Variants in ACSF2 observed in about 807,000 individuals in gnomAD.
ACSF2 encodes the protein acyl-CoA synthetase family member 2, also known as medium-chain acyl-CoA ligase ACSF2, mitochondrial.
A neutral mutation model predicts 79.3 loss-of-function variants in ACSF2; 52 were observed. That is an observed-to-expected ratio of 0.66 (90% CI 0.53 to 0.83). ACSF2 has a LOEUF of 0.83. Among genes scored for constraint, ACSF2 ranks in the 40% least tolerant of loss-of-function variants. The pLI is 0.00. For synonymous variants in ACSF2, 283 were observed against 312.6 expected (o/e 0.91, Z 1.00); for missense variants, 661 against 803.3 (o/e 0.82, Z 2.14).
At chr17:50,437,322 T>C (rs1039429810) in intron 1 of ACSF2, among the ~76,000 whole-genome samples, 1 of 152,214 alleles carries the variant, frequency 6.6e-6, no homozygotes, top group African/African-American at 2.4e-5. Context: ...CATGTGAATT[T>C]CATGGACAAG....
At chr17:50,434,562 T>C (rs2030226909) in intron 1 of ACSF2, among the ~76,000 whole-genome samples, 2 of 152,048 alleles carry the variant, frequency 1.3e-5, no homozygotes, top group African/African-American at 4.8e-5. Context: ...GGCATGCACC[T>C]GTAATCCCAG....
intron 10 of ACSF2, among the ~76,000 whole-genome samples, chr17:50,466,786 C>T (rs1342210435): frequency 2.6e-5 from 4 of 152,210 alleles, no homozygotes; most frequent in South Asian, 2.1e-4. Context: ...TTTGCCCAGG[C>T]GCCACAATTC....
chr17:50,451,647 A>G (rs906902016), intron 1 of ACSF2, among the ~76,000 whole-genome samples: 1 of 152,172 alleles, frequency 6.6e-6, no homozygotes, highest in African/African-American at 2.4e-5. Flanking sequence ...ACAAGGTTTC[A>G]TCATATTGGC....
chr17:50,466,337 C>T (rs1221634256), intron 10 of ACSF2, among the ~76,000 whole-genome samples: 1 of 152,182 alleles, frequency 6.6e-6, no homozygotes, highest in East Asian at 1.9e-4. Flanking sequence ...GATCTACCCG[C>T]CTCAGCCTCC....
intron 9 of ACSF2, 137 bp from the exon 10 acceptor site, chr17:50,464,081 G>A (rs2032524768): frequency 8.1e-7 from 1 of 1,234,916 alleles, no homozygotes; most frequent in South Asian, 1.3e-5. Flanking sequence ...ACCAGCCCAG[G>A]GCCAGCTGCC....
In ACSF2 at chr17:50,453,890, C is replaced by T. The variant is rs998354720; in HGVS notation, c.129-6787C>T. Among the ~76,000 whole-genome samples the T allele has an allele frequency of 4.0e-5, 6 of 151,692 alleles. No homozygotes were observed. In the East Asian group the frequency reaches 9.7e-4, roughly 24 times the overall value. On this transcript the variant is annotated intron_variant, in intron 1 of 15. Coordinates refer to ENST00000300441, the MANE Select transcript of ACSF2 (RefSeq NM_025149.6). The stretch of plus-strand genomic sequence containing the variant: ...GAACTACTAGGCTCAAGAGATCTTC[C>T]TGCCTCAGCGTCCCAAGTAGCTAGG...
Position 50,460,861 on chromosome 17 carries a change from C to G in ACSF2, c.313C>G (p.Leu105Val), listed in dbSNP as rs778806401. 2 of 1,609,196 alleles carry G rather than the reference C, an allele frequency of 1.2e-6. No homozygotes were observed. The highest frequency in any genetic ancestry group is 2.2e-5 in the South Asian group (2 of 90,162). The change falls in exon 2 of 16, where the codon CTC becomes GTC. Residue 105 changes from leucine to valine, a missense_variant. Leu to Val is a conservative substitution (Grantham distance 32, BLOSUM62 1). Transcript: ENST00000300441. ...HEDVRLTFAQ[L>V]KEEVDKAASG... ...AGACGTCAGGTTGACCTTTGCCCAA[C>G]TCAAGGAGGAGGTGGGTCCTGACCT... is the stretch of plus-strand genomic sequence containing the variant.
chr17:50,449,170 C>A (rs926584532), intron 1 of ACSF2, among the ~76,000 whole-genome samples: 6 of 151,784 alleles, frequency 4.0e-5, no homozygotes, highest in African/African-American at 1.5e-4. Flanking sequence ...GCGCCCACCA[C>A]AATGCCCAGC....
chr17:50,467,770 C>T lies in ACSF2; in HGVS notation c.1216-3258C>T, dbSNP rs1308110801. On this transcript the variant is annotated intron_variant, in intron 10 of 15. Transcript: ENST00000300441. ...GGGGGTTTGGAAGCACTGGAGATGG[C>T]CCTAGGGGGCCTTTTGTGGGGCCAG... 1.0e-5 allele frequency: 4 copies of T among 389,810 alleles called. No homozygotes were observed. In the East Asian group the frequency reaches 1.6e-4, roughly 16 times the overall value. 24.1% of individuals were successfully genotyped at this position (389,810 alleles called of 1,614,324 possible). A position where few individuals can be genotyped will look rare whatever the true frequency, so the allele number is the denominator to read the frequency against.
At chr17:50,465,671 G>T in intron 10 of ACSF2, 1 of 1,610,944 alleles carries the variant, frequency 6.2e-7, no homozygotes, top group Non-Finnish European at 8.5e-7. Context: ...TATCACATGA[G>T]GGTGGGCTCT....
chr17:50,460,458 C>G (rs1326378477), intron 1 of ACSF2: 4 of 582,398 alleles, frequency 6.9e-6, no homozygotes, highest in African/African-American at 1.9e-5. Flanking sequence ...TTTGCTCCAG[C>G]TTGGTGTAAC....
At chr17:50,460,390 G>A (rs993302325) in intron 1 of ACSF2, 2 of 480,206 alleles carry the variant, frequency 4.2e-6, no homozygotes, top group Non-Finnish European at 7.7e-6. Flanking sequence ...TGCACAGGCA[G>A]GCTCTCCCAG....
rs143243301 is a variant in ACSF2 at position 50,431,003 on chromosome 17, C to T, written c.128+4614C>T. ...CTACAAAATGCTGTTTCTATACAAG[C>T]GCCTTGTATTAAGCCTGGAAGTGTT... is the stretch of plus-strand genomic sequence containing the variant. On this transcript the variant is annotated intron_variant, in intron 1 of 15. Transcript: ENST00000300441. 1.4e-4 allele frequency among the ~76,000 whole-genome samples: 21 copies of T among 152,294 alleles called. No homozygotes were observed. The East Asian group carries it at 2.9e-3, about 21-fold the overall frequency.
intron 1 of ACSF2, among the ~76,000 whole-genome samples, chr17:50,454,552 G>C (rs1035429645): frequency 2.0e-4 from 30 of 151,946 alleles, no homozygotes; most frequent in Non-Finnish European, 4.1e-4. Flanking sequence ...CCCGTCACAA[G>C]CAGCATTCCA....
At chr17:50,468,911 G>C in intron 10 of ACSF2, 1 of 1,416,778 alleles carries the variant, frequency 7.1e-7, no homozygotes, top group African/African-American at 1.5e-5. Context: ...CTCTTTATAC[G>C]GTGGCCCTGA....
intron 1 of ACSF2, among the ~76,000 whole-genome samples, chr17:50,452,256 T>G (rs17560706): frequency 0.24 from 36,646 of 152,084 alleles, 4,951 homozygotes; most frequent in Non-Finnish European, 0.31. Flanking sequence ...CTGGCACTGC[T>G]GTTTTTCCTC....
At chr17:50,461,464 T>C in intron 3 of ACSF2, 94 bp downstream of exon 3, 1 of 1,595,806 alleles carries the variant, frequency 6.3e-7, no homozygotes, top group Admixed American at 1.7e-5. Context: ...ATCAAACCAG[T>C]GCCTTGTTGG....
At chr17:50,443,541 C>G (rs753199481) in intron 1 of ACSF2, among the ~76,000 whole-genome samples, 2 of 152,174 alleles carry the variant, frequency 1.3e-5, no homozygotes, top group Non-Finnish European at 2.9e-5. Flanking sequence ...CTTTTGAGCT[C>G]TCTTTAAGCA....
intron 11 of ACSF2, 59 bp from the exon 12 acceptor site, chr17:50,472,369 G>A (rs1490284503): frequency 6.4e-7 from 1 of 1,572,344 alleles, no homozygotes; most frequent in Non-Finnish European, 8.6e-7. Flanking sequence ...CATTTCCAAG[G>A]ACCACCTATC....
Sources: gnomAD v4.1 joint callset for allele counts (sites outside exome capture counted in the v4.1 genomes callset) on GRCh38, gnomAD v4.1.1 for gene constraint, MANE v1.5 for transcripts, NCBI Gene and HGNC (gene_info 2026-07-23, HGNC 2026-07-21) for gene names.